MAST3: variants seen among roughly 807,000 people sequenced by gnomAD.
MAST3 encodes microtubule associated serine/threonine kinase 3.
MAST3 carries 43 observed loss-of-function variants against 127.0 expected under a neutral mutation model. That is an observed-to-expected ratio of 0.34 (90% confidence interval 0.27 to 0.44). The LOEUF is 0.44. MAST3 is among the 20% of genes least tolerant of loss of function. The pLI is 1.00. For synonymous variants in MAST3, 785 were observed against 809.2 expected (o/e 0.97, Z 0.51); for missense variants, 1,390 against 1,919.1 (o/e 0.72, Z 5.15).
Position 18,144,583 on chromosome 19 carries a change from C to T in MAST3, c.2702C>T (p.Pro901Leu), listed in dbSNP as rs777068463. Residue 901 changes from proline to leucine, a missense_variant, in exon 23 of 28, where the codon CCA (proline) becomes CTA (leucine). Around this residue, in one of 5 missense-constraint regions of MAST3, gnomAD observed 816 missense variants for 934.1 expected, o/e 0.87. Coordinates refer to ENST00000687212, the MANE Select transcript of MAST3 (RefSeq NM_001393504.1). The surrounding 1 kb of genome is among the most constrained non-coding windows in gnomAD (Gnocchi z 4.0). Reference protein sequence around the residue: ...RGRRLGGPRDPAPEKSRASSS... With the variant: ...RGRRLGGPRDLAPEKSRASSS... ...CGCCGCCTTGGGGGCCCAAGAGACC[C>T]AGCCCCTGAGAAGTCCAGAGCCTCC... 1 of 1,610,770 alleles carries T rather than the reference C, an allele frequency of 6.2e-7. No individual in the cohort carries two copies. Among genetic ancestry groups the T allele is most frequent in the East Asian group, 2.2e-5 (1 of 44,882 alleles).
rs2040340276 is a variant in MAST3, at chr19:18,124,321, A to G, written c.900A>G (p.Lys300=). Residue 300 remains lysine, a synonymous_variant, in exon 10 of 28, where the codon AAA becomes AAG. Transcript: ENST00000687212. The part of the protein sequence containing the change: ...EVSFIVQLVR[K]LLIIISRPAR... The stretch of plus-strand genomic sequence containing the variant: ...GCTTCATCGTCCAGCTTGTCCGGAA[A>G]CTGCTGATCATCATCTCACGGCCAG... 1 of 1,609,962 alleles carries G rather than the reference A, an allele frequency of 6.2e-7. No individual in the cohort carries two copies. The highest frequency in any genetic ancestry group is 8.5e-7 in the Non-Finnish European group (1 of 1,178,136).
rs111866808 is a variant in MAST3 at position 18,149,900 on chromosome 19, G to A, written c.*174G>A. 8 of 527,054 alleles carry A rather than the reference G, an allele frequency of 1.5e-5. No individual in the cohort carries two copies. Among genetic ancestry groups the A allele is most frequent in the South Asian group, 2.4e-5 (1 of 41,558 alleles). The allele number at this position is 527,054 out of a possible 1,614,324, so 32.6% of individuals were successfully genotyped here. A position where few individuals can be genotyped will look rare whatever the true frequency, so the allele number is the denominator to read the frequency against. On this transcript the variant is annotated 3_prime_UTR_variant, in exon 28 of 28. Coordinates refer to ENST00000687212, the MANE Select transcript of MAST3 (RefSeq NM_001393504.1). This position sits in a 1 kb window ranked among gnomAD's most constrained non-coding sequence, Gnocchi z 5.9. ...CATCGCTTGTGTTCTGGTGTCAATC[G>A]GGGCTGGATGGGGCAAGAATGGGGG...
chr19:18,149,887 T>G lies in MAST3; in HGVS notation c.*161T>G. On this transcript the variant is annotated 3_prime_UTR_variant, in exon 28 of 28. Transcript: ENST00000687212. This position sits in a 1 kb window ranked among gnomAD's most constrained non-coding sequence, Gnocchi z 5.9. ...TGGAAGGTGGAGACATCGCTTGTGT[T>G]CTGGTGTCAATCGGGGCTGGATGGG... 1.0e-6 allele frequency: 1 copy of G among 963,736 alleles called. No homozygotes were observed. Among genetic ancestry groups the G allele is most frequent in the East Asian group, 3.0e-5 (1 of 33,134 alleles). The allele number at this position is 963,736 out of a possible 1,614,324, so 59.7% of individuals were successfully genotyped here.
chr19:18,118,114 G>T (rs1056449549), intron 3 of MAST3: 1 of 985,240 alleles, frequency 1.0e-6, no homozygotes, highest in Non-Finnish European at 1.2e-6. Flanking sequence ...TCCCACCGCC[G>T]AGGCCTCCCT....
At chr19:18,123,907 C>A in intron 8 of MAST3, 32 bp from the exon 9 acceptor site, 1 of 1,533,144 alleles carries the variant, frequency 6.5e-7, no homozygotes. Flanking sequence ...GCCCCGCCCT[C>A]TGACCAGGTC....
chr19:18,131,876 C>T (rs995871155), intron 14 of MAST3, 33 bp from the exon 15 acceptor site: 3 of 1,543,988 alleles, frequency 1.9e-6, no homozygotes, highest in African/African-American at 1.4e-5. Context: ...GGGGGTGCCC[C>T]GGGCCTCATG....
At chr19:18,134,235 T>C (rs1037993826) in intron 15 of MAST3, among the ~76,000 whole-genome samples, 9 of 151,860 alleles carry the variant, frequency 5.9e-5, no homozygotes, top group African/African-American at 2.2e-4. Flanking sequence ...TATATATATA[T>C]ATACACACAC....
At chr19:18,100,344 T>G (rs996669044) in intron 1 of MAST3, among the ~76,000 whole-genome samples, 1 of 151,870 alleles carries the variant, frequency 6.6e-6, no homozygotes, top group Non-Finnish European at 1.5e-5. Flanking sequence ...CAGGCTGGTA[T>G]CAAACTCCTG....
At position 18,145,825 on chromosome 19, in the gene MAST3, T is replaced by G. The variant is rs1237839722; in HGVS notation, c.3122T>G (p.Leu1041Arg). The change falls in exon 25 of 28, where the codon CTG (leucine) becomes CGG (arginine). Residue 1041 changes from leucine to arginine, a missense_variant. Leu to Arg is a moderately radical substitution (Grantham distance 102, BLOSUM62 -2). Transcript: ENST00000687212. The surrounding 1 kb of genome is among the most constrained non-coding windows in gnomAD (Gnocchi z 5.9). Reference protein sequence around the residue: ...LITHINGESVLGLVHMDVVEL... With the variant: ...LITHINGESVRGLVHMDVVEL... The stretch of plus-strand genomic sequence containing the variant: ...ACCCACATCAACGGGGAGTCAGTGC[T>G]GGGGCTGGTGCACATGGACGTCGTG... 6.3e-7 allele frequency: 1 copy of G among 1,598,224 alleles called. No individual in the cohort carries two copies. The highest frequency in any genetic ancestry group is 2.3e-5 in the East Asian group (1 of 43,616).
intron 3 of MAST3, among the ~76,000 whole-genome samples, chr19:18,116,090 C>CTTTTTTTTTTTTTTTTTTTTTTTTTTTTT (rs3048876): frequency 4.6e-5 from 4 of 86,350 alleles, no homozygotes; most frequent in African/African-American, 1.6e-4. Context: ...TTGAAATTAT[C>CTTTTTTTTTTTTTTTTTTTTTTTTTTTTT]TTTTTTTTTT....
At chr19:18,114,946 C>T (rs62123565) in intron 3 of MAST3, among the ~76,000 whole-genome samples, 16,818 of 152,028 alleles carry the variant, frequency 0.11, 1,197 homozygotes, top group East Asian at 0.16. Flanking sequence ...AAAAAGGGAC[C>T]GTTGAACGGG....
At chr19:18,109,596 G>A (rs897831685) in intron 2 of MAST3, among the ~76,000 whole-genome samples, 1 of 152,168 alleles carries the variant, frequency 6.6e-6, no homozygotes, top group Non-Finnish European at 1.5e-5. Context: ...CGTGGGGTTT[G>A]CGCTGAGAGG....
In MAST3 at chr19:18,149,296, A is replaced by C; in HGVS notation, c.3614A>C (p.Lys1205Thr). Residue 1205 changes from lysine to threonine, a missense_variant, in exon 28 of 28, where the codon AAG (lysine) becomes ACG (threonine). Coordinates refer to ENST00000687212, the MANE Select transcript of MAST3 (RefSeq NM_001393504.1). This position sits in a 1 kb window ranked among gnomAD's most constrained non-coding sequence, Gnocchi z 5.9. ...RPSSLHGLAA[K>T]LGPPRPKTGR... ...AGCTCCCTGCACGGCCTGGCTGCCA[A>C]GCTTGGGCCACCCCGCCCCAAGACT... is the stretch of plus-strand genomic sequence containing the variant. The C allele has an allele frequency of 1.3e-6, 2 of 1,535,472 alleles. No homozygotes were observed. Among genetic ancestry groups the C allele is most frequent in the Non-Finnish European group, 1.7e-6 (2 of 1,142,984 alleles).
chr19:18,131,596 G>A (rs1201161396), intron 14 of MAST3, among the ~76,000 whole-genome samples: 1 of 140,034 alleles, frequency 7.1e-6, no homozygotes, highest in Non-Finnish European at 1.6e-5. Context: ...CTACTCTGGA[G>A]GCTGGGGCAG....
At chr19:18,134,471 T>C (rs1285916090) in intron 15 of MAST3, 108 bp from the exon 16 acceptor site, 13 of 1,406,632 alleles carry the variant, frequency 9.2e-6, no homozygotes, top group Non-Finnish European at 1.2e-5. Context: ...GGCCCAGGAG[T>C]TGGAGGCAGA....
chr19:18,147,004 G>A lies in MAST3; in HGVS notation c.3286G>A (p.Glu1096Lys), dbSNP rs1389625409. The A allele has an allele frequency of 6.3e-7, 1 of 1,575,000 alleles. No individual in the cohort carries two copies. Among genetic ancestry groups the A allele is most frequent in the Admixed American group, 1.8e-5 (1 of 54,128 alleles). The part of the protein sequence containing the change: ...ARRSKRSRRR[E>K]TQDRCAAVTT... ...CAGGAGCAAGAGGAGCCGTCGGCGG[G>A]AGACCCAGGATCGGTGCGCGGCAGT... is the stretch of plus-strand genomic sequence containing the variant. Residue 1096 changes from glutamate (E) to lysine (K), a missense_variant, in exon 26 of 28, where the codon GAG becomes AAG. Around this residue, in one of 5 missense-constraint regions of MAST3, gnomAD observed 816 missense variants for 934.1 expected, o/e 0.87. Coordinates refer to ENST00000687212, the MANE Select transcript of MAST3 (RefSeq NM_001393504.1).
chr19:18,144,378 T>C lies in MAST3; in HGVS notation c.2585-88T>C, dbSNP rs1387753613. 8 of 1,144,900 alleles carry C rather than the reference T, an allele frequency of 7.0e-6. No homozygotes were observed. Among genetic ancestry groups the C allele is most frequent in the Non-Finnish European group, 1.0e-5 (8 of 792,502 alleles). The allele number at this position is 1,144,900 out of a possible 1,614,324, so 70.9% of individuals were successfully genotyped here. On this transcript the variant is annotated intron_variant, in intron 22 of 27. Coordinates refer to ENST00000687212, the MANE Select transcript of MAST3 (RefSeq NM_001393504.1). This position sits in a 1 kb window ranked among gnomAD's most constrained non-coding sequence, Gnocchi z 4.0. ...AGGCCAGGAGGCTGGACTGTGTAAA[T>C]AGTGACCAGGGAGGAAGGGCCTTAA... is the stretch of plus-strand genomic sequence containing the variant.
chr19:18,145,417 GGAA>G lies in MAST3; in HGVS notation c.3039+190_3039+192del, dbSNP rs1407104925. 1.3e-5 allele frequency among the ~76,000 whole-genome samples: 2 copies of G among 152,166 alleles called. No individual in the cohort carries two copies. The highest frequency in any genetic ancestry group is 2.9e-5 in the Non-Finnish European group (2 of 68,008). ...ATGAGAGAGACAAGGATGGATGGATGGAAGCTCACAGATCCCAAGTGGCATTAA... is the reference window on the plus strand; with the variant it reads ...ATGAGAGAGACAAGGATGGATGGATGGCTCACAGATCCCAAGTGGCATTAA... On this transcript the variant is annotated intron_variant, in intron 24 of 27. Transcript: ENST00000687212. The surrounding 1 kb of genome is among the most constrained non-coding windows in gnomAD (Gnocchi z 5.9).
chr19:18,134,819 G>A lies in MAST3; in HGVS notation c.1707G>A (p.Val569=). Residue 569 remains valine, a splice_region_variant and synonymous_variant, in exon 17 of 28, where the codon GTG becomes GTA. Coordinates refer to ENST00000687212, the MANE Select transcript of MAST3 (RefSeq NM_001393504.1). Reference sequence around the variant, plus strand: ...TTTCCCCGTTCTCCCTGGCCCAGGTGTGTGGGACGCCGGAGTACATAGCCC... The same window carrying A: ...TTTCCCCGTTCTCCCTGGCCCAGGTATGTGGGACGCCGGAGTACATAGCCC... ...KDAREFIDKQ[V]CGTPEYIAPE... is the part of the protein sequence containing the mutation. 6.2e-7 allele frequency: 1 copy of A among 1,614,038 alleles called. No homozygotes were observed. The highest frequency in any genetic ancestry group is 2.2e-5 in the East Asian group (1 of 44,882).
Sources: allele counts gnomAD v4.1 joint callset (sites outside exome capture counted in the v4.1 genomes callset), GRCh38; gene constraint gnomAD v4.1.1; regional missense constraint gnomAD v4.1.1; non-coding constraint Gnocchi (gnomAD v3.1); transcripts MANE v1.5; gene names NCBI Gene and HGNC (gene_info 2026-07-23, HGNC 2026-07-21).